The following FBXW4 variants were observed in gnomAD, a reference collection of about 807,000 sequenced individuals.
The protein encoded by FBXW4 is F-box and WD repeat domain containing 4.
FBXW4 carries 40 observed loss-of-function variants against 61.8 expected under a neutral mutation model. The observed-to-expected ratio is 0.65, with a 90% CI of 0.50 to 0.84. FBXW4 has a LOEUF of 0.84. FBXW4 is among the 40% of genes least tolerant of loss of function. The pLI is 0.00. For missense variants in FBXW4, 672 were observed against 753.8 expected, an observed-to-expected ratio of 0.89 and a Z score of 1.27; for synonymous variants, 311 against 313.8, an observed-to-expected ratio of 0.99 and a Z score of 0.10.
At chr10:101,692,209 G>C (rs2064611937) in intron 1 of FBXW4, among the ~76,000 whole-genome samples, 1 of 151,592 alleles carries the variant, frequency 6.6e-6, no homozygotes, top group African/African-American at 2.4e-5. Context: ...ATTTAAAATA[G>C]TATGGAAATG....
intron 1 of FBXW4, among the ~76,000 whole-genome samples, chr10:101,691,480 G>A (rs770256684): frequency 4.0e-4 from 61 of 152,246 alleles, no homozygotes; most frequent in Middle Eastern, 3.4e-3. Flanking sequence ...GGACATGGGC[G>A]AGAAATCAAA....
intron 1 of FBXW4, among the ~76,000 whole-genome samples, chr10:101,679,377 T>C (rs561984300): frequency 6.6e-6 from 1 of 152,348 alleles, no homozygotes; most frequent in East Asian, 1.9e-4. Flanking sequence ...AGAGCAATTA[T>C]AATTCTTATA....
chr10:101,694,983 C>G lies in FBXW4; in HGVS notation c.123G>C (p.Gly41=). 2 of 1,163,918 alleles carry G rather than the reference C, an allele frequency of 1.7e-6. No homozygotes were observed. The highest frequency in any genetic ancestry group is 3.9e-5 in the East Asian group (1 of 25,632). 72.1% of individuals were successfully genotyped at this position (1,163,918 alleles called of 1,614,324 possible). The part of the protein sequence containing the change: ...VARGKRRKGK[G]KGKARAGQGG... ...CTTGCCCCGCTCTCGCTTTTCCCTT[C>G]CCCTTCCCCTTCCTTCGCTTCCCCC... The change falls in exon 1 of 9, where the codon GGG becomes GGC. Residue 41 remains glycine (G), a synonymous_variant. Coordinates refer to ENST00000331272, the MANE Select transcript of FBXW4 (RefSeq NM_022039.4). The surrounding 1 kb of genome is among the most constrained non-coding windows in gnomAD (Gnocchi z 6.0).
intron 5 of FBXW4, among the ~76,000 whole-genome samples, chr10:101,640,917 A>T (rs374334071): frequency 2.0e-4 from 29 of 145,614 alleles, no homozygotes; most frequent in African/African-American, 7.2e-4. Context: ...TGCAACCTCC[A>T]CCTCCCAGGT....
chr10:101,621,469 G>A (rs1054571323), intron 6 of FBXW4, among the ~76,000 whole-genome samples: 1 of 152,118 alleles, frequency 6.6e-6, no homozygotes, highest in African/African-American at 2.4e-5. Context: ...TCAAGGCTGC[G>A]GTGAGCCGTG....
At chr10:101,638,906 CTGTT>C (rs750902994) in intron 5 of FBXW4, among the ~76,000 whole-genome samples, 7 of 152,188 alleles carry the variant, frequency 4.6e-5, no homozygotes, top group East Asian at 1.9e-4. Flanking sequence ...CATAACCACT[CTGTT>C]TGTAAAGAGA....
intron 4 of FBXW4, 25 bp downstream of exon 4, chr10:101,672,890 G>T (rs1296756724): frequency 6.2e-7 from 1 of 1,612,976 alleles, no homozygotes. Context: ...GGGAGTAATA[G>T]TATGTAAGGG....
intron 1 of FBXW4, among the ~76,000 whole-genome samples, chr10:101,690,115 C>T (rs937404449): frequency 5.3e-5 from 8 of 152,190 alleles, no homozygotes; most frequent in Admixed American, 3.3e-4. Context: ...TTAAAAATAG[C>T]TTTACATGCA....
At chr10:101,620,063 C>T (rs1055156673) in intron 6 of FBXW4, among the ~76,000 whole-genome samples, 3 of 152,210 alleles carry the variant, frequency 2.0e-5, no homozygotes, top group Non-Finnish European at 4.4e-5. Flanking sequence ...TCCAGTACTC[C>T]CCGCTCTCTG....
intron 1 of FBXW4, among the ~76,000 whole-genome samples, chr10:101,680,213 G>A (rs975830199): frequency 1.3e-5 from 2 of 152,138 alleles, no homozygotes; most frequent in Non-Finnish European, 2.9e-5. Flanking sequence ...CCAAAAATAT[G>A]AGGGTGAATT....
At position 101,624,728 on chromosome 10, in the gene FBXW4, G is replaced by C. The variant is rs756138293; in HGVS notation, c.1301+17C>G. The C allele has an allele frequency of 6.2e-7, 1 of 1,613,878 alleles. No homozygotes were observed. On this transcript the variant is annotated intron_variant, in intron 6 of 8. Transcript: ENST00000331272. The stretch of plus-strand genomic sequence containing the variant: ...CCTCCTGGACTGGAAGCCAGCATGG[G>C]CTCATGAATCTCTTACCTGTTGAGG...
intron 1 of FBXW4, among the ~76,000 whole-genome samples, chr10:101,677,833 T>G (rs1365110580): frequency 6.6e-6 from 1 of 151,986 alleles, no homozygotes; most frequent in Non-Finnish European, 1.5e-5. Context: ...TACACAAGAT[T>G]TGTGCAGTTT....
chr10:101,611,390 A>G lies in FBXW4; in HGVS notation c.1605T>C (p.Thr535=). ...GGCAGTACACAGGGCTGCTGAGGGG[A>G]GTCGACGTCAGCGGGAAGGCCTGGA... The part of the protein sequence containing the change: ...ACLHAFPLTS[T]PLSSPVYCLR... Residue 535 remains threonine, a synonymous_variant, in exon 9 of 9, where the codon ACT becomes ACC. Coordinates refer to ENST00000331272, the MANE Select transcript of FBXW4 (RefSeq NM_022039.4). The surrounding 1 kb of genome is among the most constrained non-coding windows in gnomAD (Gnocchi z 4.9). The G allele has an allele frequency of 6.2e-7, 1 of 1,613,728 alleles. No homozygotes were observed. Among genetic ancestry groups the G allele is most frequent in the South Asian group, 1.1e-5 (1 of 91,018 alleles).
At chr10:101,677,718 C>T (rs1012728589) in intron 1 of FBXW4, among the ~76,000 whole-genome samples, 9 of 151,246 alleles carry the variant, frequency 6.0e-5, no homozygotes, top group African/African-American at 1.5e-4. Flanking sequence ...CCCAGGAATT[C>T]GAGGTTACAG....
intron 4 of FBXW4, among the ~76,000 whole-genome samples, chr10:101,670,391 G>A (rs2064348037): frequency 6.6e-6 from 1 of 152,230 alleles, no homozygotes; most frequent in African/African-American, 2.4e-5. Flanking sequence ...GTGGAAAAGT[G>A]GAGATAAGTA....
intron 6 of FBXW4, among the ~76,000 whole-genome samples, chr10:101,617,239 G>A (rs17696300): frequency 0.022 from 3,360 of 152,226 alleles, 55 homozygotes; most frequent in South Asian, 0.055. Flanking sequence ...CAGGGGTCAC[G>A]CACCTAGTAA....
chr10:101,637,804 C>A (rs2064017639), intron 5 of FBXW4, among the ~76,000 whole-genome samples: 1 of 151,490 alleles, frequency 6.6e-6, no homozygotes, highest in Non-Finnish European at 1.5e-5. Flanking sequence ...GGTAACTCAC[C>A]AACATTACAC....
At position 101,611,905 on chromosome 10, in the gene FBXW4, A is replaced by T; in HGVS notation, c.1443-136T>A. On this transcript the variant is annotated intron_variant, in intron 7 of 8. Transcript: ENST00000331272. This position sits in a 1 kb window ranked among gnomAD's most constrained non-coding sequence, Gnocchi z 4.9. ...GGAAGAGAAAGAAGCCTAAATCATC[A>T]GATTCATCAAAAACCGAACTTCATG... is the stretch of plus-strand genomic sequence containing the variant. 1 of 1,120,168 alleles carries T rather than the reference A, an allele frequency of 8.9e-7. No individual in the cohort carries two copies. Among genetic ancestry groups the T allele is most frequent in the South Asian group, 1.7e-5 (1 of 60,272 alleles). The allele number at this position is 1,120,168 out of a possible 1,614,324, so 69.4% of individuals were successfully genotyped here. A position where few individuals can be genotyped will look rare whatever the true frequency, so the allele number is the denominator to read the frequency against.
At chr10:101,622,727 C>CAAAAAAAAAA (rs61319559) in intron 6 of FBXW4, 2 of 48,384 alleles carry the variant, frequency 4.1e-5, no homozygotes, top group Admixed American at 2.4e-4. Context: ...GACTTCATCT[C>CAAAAAAAAAA]AAAAAAAAAA....
Sources: gnomAD v4.1 joint callset for allele counts (sites outside exome capture counted in the v4.1 genomes callset) on GRCh38, gnomAD v4.1.1 for gene constraint, Gnocchi (gnomAD v3.1) non-coding constraint, MANE v1.5 for transcripts, NCBI Gene and HGNC (gene_info 2026-07-23, HGNC 2026-07-21) for gene names.